The following GPHN variants were observed in gnomAD, a reference collection of about 807,000 sequenced individuals.
GPHN encodes the protein gephyrin.
In GPHN, 17 loss-of-function variants were observed where a neutral mutation model predicts 95.5. The observed-to-expected ratio is 0.18, with a 90% confidence interval of 0.12 to 0.27. GPHN has a LOEUF of 0.27. GPHN is among the 10% of genes least tolerant of loss of function. The pLI is 1.00. For synonymous variants in GPHN, 320 were observed against 322.5 expected (o/e 0.99, Z 0.08); for missense variants, 660 against 978.1 (o/e 0.67, Z 4.34).
chr14:67,349,122 G>T, the GPHN span: 11 of 1,611,692 alleles, frequency 6.8e-6, no homozygotes, highest in East Asian at 2.2e-5. Flanking sequence ...AAAAGAGAAA[G>T]ACTTTATTTA....
intron 1 of GPHN, among the ~76,000 whole-genome samples, chr14:66,577,185 T>C (rs2060942714): frequency 6.6e-6 from 1 of 152,196 alleles, no homozygotes; most frequent in Non-Finnish European, 1.5e-5. Context: ...TACTAGTCTA[T>C]AGACCACACT....
the GPHN span, chr14:67,385,870 C>T: frequency 6.6e-6 from 1 of 152,104 alleles, no homozygotes; most frequent in Non-Finnish European, 1.5e-5. Context: ...CTAAGCACTA[C>T]ATCATGCTAA....
chr14:66,767,146 G>T (rs570947383), intron 2 of GPHN, among the ~76,000 whole-genome samples: 3 of 152,028 alleles, frequency 2.0e-5, no homozygotes, highest in Non-Finnish European at 4.4e-5. Context: ...TGCCTATTAC[G>T]CATTTCTACT....
the GPHN span, among the ~76,000 whole-genome samples, chr14:67,672,404 C>T: frequency 7.3e-5 from 11 of 151,698 alleles, no homozygotes; most frequent in Non-Finnish European, 1.6e-4. Flanking sequence ...CAGGTGTGAG[C>T]CACCATGCCT....
chr14:67,450,191 C>T, the GPHN span, among the ~76,000 whole-genome samples: 3 of 152,090 alleles, frequency 2.0e-5, no homozygotes, highest in Non-Finnish European at 4.4e-5. Context: ...TGAGGCGTTC[C>T]CAGCCATATG....
At chr14:67,236,143 A>G in the GPHN span, among the ~76,000 whole-genome samples, 3 of 152,170 alleles carry the variant, frequency 2.0e-5, no homozygotes, top group Non-Finnish European at 4.4e-5. Context: ...ATTGTTATTA[A>G]CTATATACTC....
At chr14:67,106,318 TC>T (rs2078037548) in intron 13 of GPHN, among the ~76,000 whole-genome samples, 1 of 152,224 alleles carries the variant, frequency 6.6e-6, no homozygotes, top group African/African-American at 2.4e-5. Flanking sequence ...CCTTTGGAAT[TC>T]CTGGACCTGG....
the GPHN span, chr14:67,397,600 G>A: frequency 1.4e-6 from 2 of 1,396,106 alleles, no homozygotes; most frequent in South Asian, 1.4e-5. Context: ...CTTTCCCAAA[G>A]AGGCCAGAGG....
chr14:67,689,238 G>A, the GPHN span, among the ~76,000 whole-genome samples: 1 of 152,208 alleles, frequency 6.6e-6, no homozygotes, highest in Non-Finnish European at 1.5e-5. Flanking sequence ...CCATCTCACA[G>A]ATGTTCATTT....
chr14:67,496,639 T>C, the GPHN span, among the ~76,000 whole-genome samples: 1 of 150,808 alleles, frequency 6.6e-6, no homozygotes, highest in Non-Finnish European at 1.5e-5. Flanking sequence ...TCCCTTCCCC[T>C]TTTCTTTCTT....
the GPHN span, chr14:67,383,307 T>C: frequency 1.2e-6 from 2 of 1,612,628 alleles, no homozygotes; most frequent in East Asian, 4.5e-5. Flanking sequence ...ATACCTCTGC[T>C]TCCACAGCCC....
At chr14:66,733,458 A>C (rs1378295767) in intron 2 of GPHN, among the ~76,000 whole-genome samples, 1 of 152,142 alleles carries the variant, frequency 6.6e-6, no homozygotes, top group African/African-American at 2.4e-5. Flanking sequence ...GATGAGAACT[A>C]ACATCTATTT....
At chr14:66,574,395 T>C (rs1378793164) in intron 1 of GPHN, among the ~76,000 whole-genome samples, 1 of 152,272 alleles carries the variant, frequency 6.6e-6, no homozygotes, top group African/African-American at 2.4e-5. Flanking sequence ...TTACTGCTTT[T>C]CTTATAACTT....
At chr14:67,014,216 A>G (rs2073172875) in intron 9 of GPHN, among the ~76,000 whole-genome samples, 1 of 152,108 alleles carries the variant, frequency 6.6e-6, no homozygotes, top group South Asian at 2.1e-4. Flanking sequence ...ACTCTGAGCT[A>G]CTCTCTAAGC....
At chr14:66,605,321 G>A (rs888023350) in intron 1 of GPHN, among the ~76,000 whole-genome samples, 1 of 151,968 alleles carries the variant, frequency 6.6e-6, no homozygotes, top group African/African-American at 2.4e-5. Context: ...CACCAAGAGT[G>A]TATATGTGTT....
At chr14:67,024,075 C>T (rs1268321980) in intron 10 of GPHN, among the ~76,000 whole-genome samples, 1 of 152,138 alleles carries the variant, frequency 6.6e-6, no homozygotes, top group Non-Finnish European at 1.5e-5. Flanking sequence ...ACATCATACT[C>T]ATTTTGTGAA....
chr14:67,244,260 T>C, the GPHN span, among the ~76,000 whole-genome samples: 1 of 152,240 alleles, frequency 6.6e-6, no homozygotes, highest in Non-Finnish European at 1.5e-5. Context: ...AATGTATGTA[T>C]ACCTACCTAT....
chr14:67,083,147 G>A (rs1055727107), intron 11 of GPHN, among the ~76,000 whole-genome samples: 3 of 152,110 alleles, frequency 2.0e-5, no homozygotes, highest in Non-Finnish European at 4.4e-5. Context: ...AAAAGCTTGA[G>A]GAACCACACA....
chr14:67,671,323 T>TA, the GPHN span, among the ~76,000 whole-genome samples: 1 of 151,980 alleles, frequency 6.6e-6, no homozygotes, highest in Non-Finnish European at 1.5e-5. Context: ...GTCAGGAGTT[T>TA]GAGACCAGCC....
Sources: gnomAD v4.1 joint callset for allele counts (sites outside exome capture counted in the v4.1 genomes callset) on GRCh38, gnomAD v4.1.1 for gene constraint, MANE v1.5 for transcripts, NCBI Gene and HGNC (gene_info 2026-07-23, HGNC 2026-07-21) for gene names.